Variants in MYH7 observed in about 807,000 individuals in gnomAD.
MYH7 encodes myosin heavy chain 7.
MYH7 carries 129 observed loss-of-function variants against 225.4 expected under a neutral mutation model. That is an observed-to-expected ratio of 0.57 (90% CI 0.50 to 0.66). MYH7 has a LOEUF of 0.66. Ranked by LOEUF, MYH7 falls within the 30% of genes least tolerant of loss-of-function variation. The pLI is 0.00. For synonymous variants in MYH7, 971 were observed against 1,007.6 expected (o/e 0.96, Z 0.69); for missense variants, 1,649 against 2,517.0 (o/e 0.66, Z 7.38).
Position 23,428,506 on chromosome 14 carries a change from G to A in MYH7, c.1572C>T (p.Ile524=), listed in dbSNP as rs769484001. The change falls in exon 15 of 40, where the codon ATC becomes ATT. Residue 524 remains isoleucine (I), a synonymous_variant. Transcript: ENST00000355349. ...GMDLQACIDL[I]EKPMGIMSIL... Reference sequence around the variant, plus strand: ...GGTAAGGCCAAAGAGGCACCTTCTCGATGAGGTCAATGCAGGCCTGCAGGT... The same window carrying A: ...GGTAAGGCCAAAGAGGCACCTTCTCAATGAGGTCAATGCAGGCCTGCAGGT... 18 of 1,614,064 alleles carry A rather than the reference G, an allele frequency of 1.1e-5. No homozygotes were observed. Among genetic ancestry groups the A allele is most frequent in the Middle Eastern group, 1.6e-4 (1 of 6,084 alleles).
chr14:23,434,480 C>T (rs576603760), intron 1 of MYH7, among the ~76,000 whole-genome samples: 1 of 152,364 alleles, frequency 6.6e-6, no homozygotes, highest in South Asian at 2.1e-4. Context: ...GAACCCTAAT[C>T]CTCTTCACTC....
chr14:23,421,015 C>G lies in MYH7; in HGVS notation c.3279G>C (p.Arg1093Ser). The change falls in exon 26 of 40, where the codon AGG becomes AGC. Residue 1093 changes from arginine to serine, a missense_variant. By Grantham distance (110) the Arg-to-Ser change is moderately radical. This residue lies in a region of MYH7 where 282 missense variants were observed against 315.3 expected (regional missense o/e 0.89). Coordinates refer to ENST00000355349, the MANE Select transcript of MYH7 (RefSeq NM_000257.4). The stretch of plus-strand genomic sequence containing the variant: ...TGCCGAGGGCCTGTTCATCCTCAAT[C>G]CTTGCGTTGAGAGCATTCAGCTCAA... ...KDFELNALNA[R>S]IEDEQALGSQ... 1 of 1,612,912 alleles carries G rather than the reference C, an allele frequency of 6.2e-7. No individual in the cohort carries two copies. Among genetic ancestry groups the G allele is most frequent in the Non-Finnish European group, 8.5e-7 (1 of 1,180,022 alleles).
In MYH7 at chr14:23,416,178, C is replaced by A; in HGVS notation, c.4779G>T (p.Val1593=). ...MEQAKRNHLR[V]VDSLQTSLDA... is the part of the protein sequence containing the mutation. ...CCAGGGAGGTCTGCAGCGAGTCCACCACCCGCAGGTGGTTGCGCTTGGCCT... is the reference window on the plus strand; with the variant it reads ...CCAGGGAGGTCTGCAGCGAGTCCACAACCCGCAGGTGGTTGCGCTTGGCCT... The change falls in exon 34 of 40, where the codon GTG becomes GTT. Residue 1593 remains valine (V), a synonymous_variant. Transcript: ENST00000355349. 6.2e-7 allele frequency: 1 copy of A among 1,614,158 alleles called. No individual in the cohort carries two copies. Among genetic ancestry groups the A allele is most frequent in the Non-Finnish European group, 8.5e-7 (1 of 1,180,036 alleles).
At chr14:23,418,528 A>G in intron 29 of MYH7, 122 bp from the exon 30 acceptor site, 1 of 1,162,462 alleles carries the variant, frequency 8.6e-7, no homozygotes, top group East Asian at 2.6e-5. Flanking sequence ...CCAAACCCCC[A>G]GTGGACCTGT....
At position 23,422,166 on chromosome 14, in the gene MYH7, AG is replaced by A; in HGVS notation, c.3245+13del. 6.2e-7 allele frequency: 1 copy of A among 1,612,348 alleles called. No individual in the cohort carries two copies. Among genetic ancestry groups the A allele is most frequent in the Non-Finnish European group, 8.5e-7 (1 of 1,179,984 alleles). ...CTGGGGAGGAGGAAGGGCAGCAGGG[AG>A]GGGACACAGTACTTTTTCAGCCGCT... On this transcript the variant is annotated intron_variant, in intron 25 of 39. Transcript: ENST00000355349.
At chr14:23,413,620 A>G in intron 39 of MYH7, 139 bp downstream of exon 39, 2 of 1,171,288 alleles carry the variant, frequency 1.7e-6, no homozygotes, top group Non-Finnish European at 2.4e-6. Context: ...ATCACAGAGA[A>G]CTGCATTACC....
chr14:23,425,594 C>G lies in MYH7; in HGVS notation c.2286+101G>C. ...ATGTTCCACTGGGAGGGGTAGCATACAGGTAAGAGATTTTGCTAAGATGAT... is the reference window on the plus strand; with the variant it reads ...ATGTTCCACTGGGAGGGGTAGCATAGAGGTAAGAGATTTTGCTAAGATGAT... On this transcript the variant is annotated intron_variant, in intron 20 of 39. Coordinates refer to ENST00000355349, the MANE Select transcript of MYH7 (RefSeq NM_000257.4). This position sits in a 1 kb window ranked among gnomAD's most constrained non-coding sequence, Gnocchi z 4.6. 6.3e-7 allele frequency: 1 copy of G among 1,599,358 alleles called. No homozygotes were observed. Among genetic ancestry groups the G allele is most frequent in the Non-Finnish European group, 8.5e-7 (1 of 1,170,882 alleles).
rs199557822 is a variant in MYH7 at position 23,416,250 on chromosome 14, C to G, written c.4707G>C (p.Lys1569Asn). 1 of 1,613,788 alleles carries G rather than the reference C, an allele frequency of 6.2e-7. No homozygotes were observed. Among genetic ancestry groups the G allele is most frequent in the Non-Finnish European group, 8.5e-7 (1 of 1,179,828 alleles). Residue 1569 changes from lysine (K) to asparagine (N), a missense_variant, in exon 34 of 40, where the codon AAG becomes AAC. Physicochemically the swap from Lys to Asn is moderately conservative, Grantham distance 94. Around this residue, in one of 12 missense-constraint regions of MYH7, gnomAD observed 687 missense variants for 913.8 expected, o/e 0.75. Transcript: ENST00000355349. ...LRAQLEFNQI[K>N]AEIERKLAEK... ...CTGCCAGCTTCCGCTCGATCTCTGCCTTGATCTGGTTGAACTCCAGCTGGG... is the reference window on the plus strand; with the variant it reads ...CTGCCAGCTTCCGCTCGATCTCTGCGTTGATCTGGTTGAACTCCAGCTGGG...
intron 26 of MYH7, 124 bp downstream of exon 26, chr14:23,420,834 G>A: frequency 1.1e-5 from 8 of 753,482 alleles, no homozygotes; most frequent in Non-Finnish European, 1.9e-5. Context: ...ATAGCTGCGT[G>A]CCTGCCTCCA....
At chr14:23,428,791 G>T in intron 14 of MYH7, 121 bp from the exon 15 acceptor site, 2 of 1,578,220 alleles carry the variant, frequency 1.3e-6, no homozygotes, top group South Asian at 2.3e-5. Flanking sequence ...TGTCAAGGCA[G>T]TGAAGGAGGG....
chr14:23,423,808 G>A, intron 23 of MYH7, 85 bp from the exon 24 acceptor site: 2 of 1,613,144 alleles, frequency 1.2e-6, no homozygotes, highest in Non-Finnish European at 1.7e-6. Flanking sequence ...CAAGGTCCAT[G>A]CTGCTCTCTG....
intron 33 of MYH7, 30 bp downstream of exon 33, chr14:23,416,838 C>T: frequency 1.2e-6 from 2 of 1,613,884 alleles, no homozygotes; most frequent in African/African-American, 1.3e-5. Flanking sequence ...GCTCAGCTCC[C>T]TGCACCCCGT....
intron 2 of MYH7, 44 bp downstream of exon 2, chr14:23,434,150 C>T (rs1893060908): frequency 1.9e-6 from 2 of 1,054,964 alleles, no homozygotes; most frequent in Non-Finnish European, 1.2e-6. Context: ...CTCTAATGCC[C>T]AGTCTTACTA....
At chr14:23,427,411 G>A (rs1026099954) in intron 16 of MYH7, 104 bp from the exon 17 acceptor site, 17 of 1,492,616 alleles carry the variant, frequency 1.1e-5, no homozygotes, top group Admixed American at 5.5e-5. Context: ...TTGGCCCCTG[G>A]GTGAGGGCCT....
intron 18 of MYH7, 134 bp downstream of exon 18, chr14:23,426,643 G>T: frequency 1.3e-6 from 1 of 792,388 alleles, no homozygotes; most frequent in Non-Finnish European, 2.2e-6. Context: ...ACCCTGGGAG[G>T]CCTCATGCGG....
intron 6 of MYH7, 100 bp from the exon 7 acceptor site, chr14:23,431,969 C>A: frequency 1.6e-6 from 2 of 1,265,458 alleles, no homozygotes; most frequent in Non-Finnish European, 2.3e-6. Context: ...GAGTAGGAGC[C>A]CTGGGCAAGA....
At chr14:23,418,440 G>A (rs759647703) in intron 29 of MYH7, 34 bp from the exon 30 acceptor site, 1 of 1,578,160 alleles carries the variant, frequency 6.3e-7, no homozygotes, top group African/African-American at 1.3e-5. Context: ...GGTGGGTTCA[G>A]CTTTCTCCAT....
chr14:23,425,708 A>G lies in MYH7; in HGVS notation c.2273T>C (p.Phe758Ser). 5 of 1,614,004 alleles carry G rather than the reference A, an allele frequency of 3.1e-6. No individual in the cohort carries two copies. Among genetic ancestry groups the G allele is most frequent in the African/African-American group, 1.3e-5 (1 of 75,044 alleles). ...SLDIDHNQYK[F>S]GHTKVFFKAG... is the part of the protein sequence containing the mutation. Reference sequence around the variant, plus strand: ...TCCTTTCCTCACCTTGGTGTGGCCAAACTTGTACTGGTTGTGATCAATGTC... The same window carrying G: ...TCCTTTCCTCACCTTGGTGTGGCCAGACTTGTACTGGTTGTGATCAATGTC... Residue 758 changes from phenylalanine to serine, a missense_variant, in exon 20 of 40, where the codon TTT becomes TCT. By Grantham distance (155) the Phe-to-Ser change is radical. Around this residue, in one of 12 missense-constraint regions of MYH7, gnomAD observed 41 missense variants for 124.8 expected, o/e 0.33. Transcript: ENST00000355349. The surrounding 1 kb of genome is among the most constrained non-coding windows in gnomAD (Gnocchi z 4.6).
chr14:23,423,766 C>T (rs1324063827), intron 23 of MYH7, 43 bp from the exon 24 acceptor site: 1 of 1,613,720 alleles, frequency 6.2e-7, no homozygotes, highest in Non-Finnish European at 8.5e-7. Context: ...CAAAGGTCAC[C>T]AGCTTGGTGC....
Sources: allele counts gnomAD v4.1 joint callset (sites outside exome capture counted in the v4.1 genomes callset), GRCh38; gene constraint gnomAD v4.1.1; regional missense constraint gnomAD v4.1.1; non-coding constraint Gnocchi (gnomAD v3.1); transcripts MANE v1.5; gene names NCBI Gene and HGNC (gene_info 2026-07-23, HGNC 2026-07-21).